TADA1: variants seen among roughly 807,000 people sequenced by gnomAD.
The protein encoded by TADA1 is transcriptional adapter 1.
In TADA1, 23 loss-of-function variants were observed where a neutral mutation model predicts 39.3. The observed-to-expected ratio is 0.58, with a 90% confidence interval of 0.42 to 0.83. The LOEUF is 0.83. Among genes scored for constraint, TADA1 ranks in the 40% least tolerant of loss-of-function variants. The pLI, the probability that TADA1 is intolerant of heterozygous loss-of-function variation, is 0.00. For missense variants in TADA1, 352 were observed against 408.1 expected (o/e 0.86, Z 1.18); for synonymous variants, 137 against 151.8 (o/e 0.90, Z 0.72).
chr1:166,859,772 A>ACTC (rs71810076), intron 6 of TADA1, among the ~76,000 whole-genome samples: 1 of 150,224 alleles, frequency 6.7e-6, no homozygotes, highest in East Asian at 2.0e-4. Flanking sequence ...AACATCTACC[A>ACTC]CTCCTCCTCC....
At chr1:166,871,890 TC>T (rs1186243891) in intron 1 of TADA1, among the ~76,000 whole-genome samples, 1 of 152,196 alleles carries the variant, frequency 6.6e-6, no homozygotes, top group Non-Finnish European at 1.5e-5. Flanking sequence ...TATTTAAAAG[TC>T]CTATGTCAGT....
intron 1 of TADA1, 149 bp downstream of exon 1, chr1:166,876,011 C>A: frequency 1.3e-6 from 1 of 772,960 alleles, no homozygotes; most frequent in Non-Finnish European, 1.9e-6. Context: ...CGCCCCGCCC[C>A]GGCCGGAGAA....
At chr1:166,864,491 C>G (rs150530390) in intron 3 of TADA1, among the ~76,000 whole-genome samples, 8 of 152,222 alleles carry the variant, frequency 5.3e-5, no homozygotes, top group Non-Finnish European at 1.2e-4. Flanking sequence ...CTGGAAGAAA[C>G]CCACAACCTG....
At chr1:166,866,550 T>TA in intron 3 of TADA1, among the ~76,000 whole-genome samples, 1 of 152,338 alleles carries the variant, frequency 6.6e-6, no homozygotes, top group South Asian at 2.1e-4. Flanking sequence ...TCTTTGTTGC[T>TA]AACAAATATT....
At chr1:166,864,356 G>A (rs1387076740) in intron 3 of TADA1, among the ~76,000 whole-genome samples, 4 of 152,138 alleles carry the variant, frequency 2.6e-5, no homozygotes, top group African/African-American at 9.7e-5. Context: ...TGGCAGACAC[G>A]ATGAGATGTC....
intron 5 of TADA1, 122 bp from the exon 6 acceptor site, chr1:166,860,459 C>G (rs536707326): frequency 2.2e-6 from 2 of 926,688 alleles, no homozygotes; most frequent in South Asian, 2.0e-5. Flanking sequence ...TTAGTATATG[C>G]TAGAACCAAA....
Position 166,857,401 on chromosome 1 carries a change from TA to T in TADA1, c.*165del. The T allele has an allele frequency of 1.3e-6, 1 of 758,968 alleles. No individual in the cohort carries two copies. The highest frequency in any genetic ancestry group is 2.7e-5 in the East Asian group (1 of 36,844). 47.0% of individuals were successfully genotyped at this position (758,968 alleles called of 1,614,324 possible). A position where few individuals can be genotyped will look rare whatever the true frequency, so the allele number is the denominator to read the frequency against. On this transcript the variant is annotated 3_prime_UTR_variant, in exon 8 of 8. Transcript: ENST00000367874. ...GATATGGGTCATTACCAAAGATTTA[TA>T]TTAATGGCTTCACAACAGCAACACA... is the stretch of plus-strand genomic sequence containing the variant.
intron 4 of TADA1, chr1:166,862,725 G>A: frequency 2.7e-6 from 1 of 372,956 alleles, no homozygotes; most frequent in Non-Finnish European, 4.9e-6. Flanking sequence ...GAGAAGTATT[G>A]AACTATATTC....
chr1:166,871,863 C>T (rs1658668327), intron 1 of TADA1, among the ~76,000 whole-genome samples: 1 of 152,080 alleles, frequency 6.6e-6, no homozygotes, highest in South Asian at 2.1e-4. Flanking sequence ...AAATAGTAAC[C>T]TGGAGAAAAA....
At chr1:166,865,748 G>A (rs181872924) in intron 3 of TADA1, among the ~76,000 whole-genome samples, 43 of 152,102 alleles carry the variant, frequency 2.8e-4, no homozygotes, top group African/African-American at 1.0e-3. Flanking sequence ...GAACCTGGGA[G>A]GCGGAGCTTG....
rs968669538 is a variant in TADA1 at position 166,869,351 on chromosome 1, T to C, written c.232+94A>G. 14 of 1,010,246 alleles carry C rather than the reference T, an allele frequency of 1.4e-5. No homozygotes were observed. The African/African-American group carries it at 2.0e-4, about 14-fold the overall frequency. 62.6% of individuals were successfully genotyped at this position (1,010,246 alleles called of 1,614,324 possible). A position where few individuals can be genotyped will look rare whatever the true frequency, so the allele number is the denominator to read the frequency against. On this transcript the variant is annotated intron_variant, in intron 3 of 7. Transcript: ENST00000367874. ...TTTTCTTCTGAGTAGTTCAAAAACA[T>C]CTGCTTTACAAACACTAGCTGTGTC...
intron 4 of TADA1, chr1:166,862,835 A>C (rs143192454): frequency 1.5e-5 from 3 of 194,070 alleles, no homozygotes; most frequent in East Asian, 1.5e-4. Flanking sequence ...TAGCTAACCA[A>C]TATGGCAGAT....
chr1:166,866,183 A>G (rs998977149), intron 3 of TADA1, among the ~76,000 whole-genome samples: 2 of 152,256 alleles, frequency 1.3e-5, no homozygotes, highest in Admixed American at 6.5e-5. Flanking sequence ...TGCGTGGCCA[A>G]GCGAAGCACG....
Position 166,869,496 on chromosome 1 carries a change from C to T in TADA1, c.181G>A (p.Asp61Asn), listed in dbSNP as rs1264778554. 1 of 1,613,672 alleles carries T rather than the reference C, an allele frequency of 6.2e-7. No individual in the cohort carries two copies. Among genetic ancestry groups the T allele is most frequent in the Non-Finnish European group, 8.5e-7 (1 of 1,179,736 alleles). The change falls in exon 3 of 8, where the codon GAT (aspartate) becomes AAT (asparagine). Residue 61 changes from aspartate to asparagine, a missense_variant. This residue lies in a region of TADA1 where 36 missense variants were observed against 72.0 expected (regional missense o/e 0.50). Transcript: ENST00000367874. ...LTQDNVHSHNDFLLAILTRCQ... is the reference protein window; with the variant it reads ...LTQDNVHSHNNFLLAILTRCQ... ...CGCGTGAGAATGGCCAGGAGGAAATCATTGTGAGAATGGACTGAAAAAGGA... is the reference window on the plus strand; with the variant it reads ...CGCGTGAGAATGGCCAGGAGGAAATTATTGTGAGAATGGACTGAAAAAGGA...
chr1:166,872,577 C>T (rs1423988447), intron 1 of TADA1, among the ~76,000 whole-genome samples: 3 of 152,156 alleles, frequency 2.0e-5, no homozygotes, highest in South Asian at 2.1e-4. Context: ...GAGACTGAGA[C>T]GGGAGAATCG....
intron 1 of TADA1, 75 bp downstream of exon 1, chr1:166,876,080 GTCTCC>G: frequency 7.3e-7 from 1 of 1,379,116 alleles, no homozygotes; most frequent in Non-Finnish European, 9.8e-7. Context: ...CGACGCGGGC[GTCTCC>G]GGGGCGGGCT....
chr1:166,861,586 A>G (rs1168311003), intron 5 of TADA1, among the ~76,000 whole-genome samples: 1 of 152,228 alleles, frequency 6.6e-6, no homozygotes, highest in Non-Finnish European at 1.5e-5. Context: ...AGCAAAAACA[A>G]GTGACTTTAA....
chr1:166,857,144 A>C lies in TADA1; in HGVS notation c.*423T>G, dbSNP rs1331730535. 1.3e-5 allele frequency: 2 copies of C among 157,764 alleles called. No individual in the cohort carries two copies. Among genetic ancestry groups the C allele is most frequent in the African/African-American group, 4.8e-5 (2 of 41,554 alleles). The allele number at this position is 157,764 out of a possible 1,614,324, so 9.8% of individuals were successfully genotyped here. A position where few individuals can be genotyped will look rare whatever the true frequency, so the allele number is the denominator to read the frequency against. Reference sequence around the variant, plus strand: ...ACCAAAATGCAAGAACACATTCTTTAGGAGAAAGGCAGAAATTTTAGACTT... The same window carrying C: ...ACCAAAATGCAAGAACACATTCTTTCGGAGAAAGGCAGAAATTTTAGACTT... On this transcript the variant is annotated 3_prime_UTR_variant, in exon 8 of 8. Transcript: ENST00000367874.
chr1:166,861,601 T>C (rs985756070), intron 5 of TADA1, among the ~76,000 whole-genome samples: 4 of 152,244 alleles, frequency 2.6e-5, no homozygotes, highest in Non-Finnish European at 2.9e-5. Flanking sequence ...CTTTAATCTA[T>C]AGGATTCTCA....
Sources: allele counts gnomAD v4.1 joint callset (sites outside exome capture counted in the v4.1 genomes callset), GRCh38; gene constraint gnomAD v4.1.1; regional missense constraint gnomAD v4.1.1; transcripts MANE v1.5; gene names NCBI Gene and HGNC (gene_info 2026-07-23, HGNC 2026-07-21).